The following TENM2 variants were observed in gnomAD, a reference collection of about 807,000 sequenced individuals.
The protein encoded by TENM2 is teneurin transmembrane protein 2, also known as teneurin-2.
A neutral mutation model predicts 245.2 loss-of-function variants in TENM2; 52 were observed. The ratio of observed to expected loss-of-function variants is 0.21; its 90% CI spans 0.17 to 0.27. TENM2 has a LOEUF of 0.27. TENM2 is among the 10% of genes least tolerant of loss of function. The pLI is 1.00. For synonymous variants in TENM2, 1,363 were observed against 1,438.9 expected, an observed-to-expected ratio of 0.95 and a Z score of 1.19; for missense variants, 3,046 against 3,666.8, an observed-to-expected ratio of 0.83 and a Z score of 4.37.
At chr5:167,828,607 C>A (rs1768187988) in intron 2 of TENM2, among the ~76,000 whole-genome samples, 1 of 151,882 alleles carries the variant, frequency 6.6e-6, no homozygotes, top group Non-Finnish European at 1.5e-5. Context: ...CTGTCTGTAG[C>A]CAATAATAAA....
chr5:167,365,100 G>T (rs1759964593), intron 1 of TENM2, among the ~76,000 whole-genome samples: 2 of 151,964 alleles, frequency 1.3e-5, no homozygotes, highest in South Asian at 4.1e-4. Context: ...TGGAGAGTTT[G>T]TTTTCTGTCC....
At chr5:167,345,830 T>G (rs10072641) in intron 1 of TENM2, among the ~76,000 whole-genome samples, 2,136 of 151,658 alleles carry the variant, frequency 0.014, 59 homozygotes, top group African/African-American at 0.049. Flanking sequence ...CACTTTTTTT[T>G]CTTATCTCTG....
the TENM2 span, among the ~76,000 whole-genome samples, chr5:167,127,247 G>A: frequency 1.3e-5 from 2 of 152,064 alleles, no homozygotes; most frequent in African/African-American, 2.4e-5. Context: ...TGAGAATTAG[G>A]GGGTTTCAAA....
intron 2 of TENM2, among the ~76,000 whole-genome samples, chr5:167,657,071 A>C (rs1754891520): frequency 6.6e-6 from 1 of 151,786 alleles, no homozygotes; most frequent in Non-Finnish European, 1.5e-5. Flanking sequence ...CTTCCTATAT[A>C]GCTGTTATTT....
At chr5:168,060,519 A>C (rs1789947992) in intron 6 of TENM2, among the ~76,000 whole-genome samples, 1 of 152,176 alleles carries the variant, frequency 6.6e-6, no homozygotes, top group Non-Finnish European at 1.5e-5. Flanking sequence ...TGTTTATTTT[A>C]TTTTTAAAGA....
intron 2 of TENM2, among the ~76,000 whole-genome samples, chr5:167,659,748 G>A (rs997099038): frequency 6.6e-6 from 1 of 152,058 alleles, no homozygotes; most frequent in Non-Finnish European, 1.5e-5. Context: ...AAATCTTTTT[G>A]TAGAGTTCGA....
intron 2 of TENM2, among the ~76,000 whole-genome samples, chr5:167,736,115 T>C (rs1422941100): frequency 2.0e-5 from 3 of 151,950 alleles, no homozygotes; most frequent in African/African-American, 4.8e-5. Context: ...CTTACAATCA[T>C]GGTGGAAGGA....
intron 4 of TENM2, among the ~76,000 whole-genome samples, chr5:167,954,778 C>T (rs1561977667): frequency 6.6e-6 from 1 of 152,086 alleles, no homozygotes; most frequent in African/African-American, 2.4e-5. Context: ...CATTCATGTC[C>T]CTGCAAAGGA....
At chr5:168,119,934 TA>T (rs1378664109) in intron 10 of TENM2, among the ~76,000 whole-genome samples, 1 of 152,210 alleles carries the variant, frequency 6.6e-6, no homozygotes, top group African/African-American at 2.4e-5. Context: ...TCTCAGGTTT[TA>T]TGAGGTTCTC....
At chr5:167,128,512 G>C in the TENM2 span, among the ~76,000 whole-genome samples, 2 of 150,052 alleles carry the variant, frequency 1.3e-5, no homozygotes, top group African/African-American at 4.9e-5. Context: ...CTGGCCCACA[G>C]ATCTCACTTT....
chr5:167,999,698 G>C (rs1465116663), intron 5 of TENM2, among the ~76,000 whole-genome samples: 3 of 152,226 alleles, frequency 2.0e-5, no homozygotes, highest in African/African-American at 4.8e-5. Context: ...AGGAGGGTCA[G>C]CAGCTCTCGG....
At chr5:168,235,428 A>G (rs1030859645) in intron 25 of TENM2, among the ~76,000 whole-genome samples, 2 of 152,218 alleles carry the variant, frequency 1.3e-5, no homozygotes, top group East Asian at 1.9e-4. Context: ...TGGGATGATG[A>G]TGTGGAAAAG....
At chr5:167,879,882 A>T (rs557448857) in intron 3 of TENM2, among the ~76,000 whole-genome samples, 1 of 152,268 alleles carries the variant, frequency 6.6e-6, no homozygotes, top group African/African-American at 2.4e-5. Flanking sequence ...GCCTTAGTTA[A>T]TTCTAAATGA....
chr5:167,994,988 G>C (rs1783946295), intron 5 of TENM2, among the ~76,000 whole-genome samples: 1 of 152,182 alleles, frequency 6.6e-6, no homozygotes, highest in Non-Finnish European at 1.5e-5. Flanking sequence ...GTCTTTTCAT[G>C]ATTTGGTTTT....
the TENM2 span, among the ~76,000 whole-genome samples, chr5:167,276,156 TTTTC>T: frequency 6.6e-6 from 1 of 152,030 alleles, no homozygotes; most frequent in Non-Finnish European, 1.5e-5. Flanking sequence ...TTTAGCTTTC[TTTTC>T]TTTCTTTCTT....
intron 2 of TENM2, among the ~76,000 whole-genome samples, chr5:167,586,192 A>G (rs967090909): frequency 1.3e-5 from 2 of 152,234 alleles, no homozygotes; most frequent in Non-Finnish European, 2.9e-5. Context: ...TGATATAACA[A>G]CTATTTACAT....
chr5:167,880,601 A>C (rs193254703), intron 3 of TENM2, among the ~76,000 whole-genome samples: 1 of 152,196 alleles, frequency 6.6e-6, no homozygotes, highest in African/African-American at 2.4e-5. Context: ...GCCAGAAAGA[A>C]GTTTGTCATA....
chr5:167,241,101 AAAGCATTACTTTTGATCCTGTCTC>A, the TENM2 span, among the ~76,000 whole-genome samples: 543 of 152,286 alleles, frequency 3.6e-3, 8 homozygotes, highest in African/African-American at 0.012. Context: ...TCCATAAAAC[AAAGCATTACTTTTGATCCTGTCTC>A]ATTCACACCC....
At chr5:167,141,407 A>T in the TENM2 span, among the ~76,000 whole-genome samples, 2 of 152,212 alleles carry the variant, frequency 1.3e-5, no homozygotes, top group South Asian at 4.1e-4. Context: ...TCATTCTTTG[A>T]CAACATTTGT....
Sources: allele counts gnomAD v4.1 joint callset (sites outside exome capture counted in the v4.1 genomes callset), GRCh38; gene constraint gnomAD v4.1.1; transcripts MANE v1.5; gene names NCBI Gene and HGNC (gene_info 2026-07-23, HGNC 2026-07-21).